The following SCNN1D variants were observed in gnomAD, a reference collection of about 807,000 sequenced individuals.
SCNN1D encodes sodium channel epithelial 1 subunit delta, also known as epithelial sodium channel subunit delta.
A neutral mutation model predicts 87.8 loss-of-function variants in SCNN1D; 104 were observed. The ratio of observed to expected loss-of-function variants is 1.18; its 90% CI spans 1.01 to 1.39. SCNN1D has a LOEUF of 1.39. Among genes scored for constraint, SCNN1D ranks in the 40% most tolerant of loss-of-function variants. The probability of loss-of-function intolerance (pLI) is 0.00; values close to 1 mark genes in which losing one functional copy is unlikely to be tolerated. For synonymous variants in SCNN1D, 628 were observed against 481.2 expected, an observed-to-expected ratio of 1.31 and a Z score of -3.99; for missense variants, 1,324 against 1,093.9, an observed-to-expected ratio of 1.21 and a Z score of -2.97.
At position 1,286,897 on chromosome 1, in the gene SCNN1D, C is replaced by T. The variant is rs563785781; in HGVS notation, c.1041C>T (p.Pro347=). The change falls in exon 8 of 18, where the codon CCC becomes CCT. Residue 347 remains proline, a synonymous_variant. Coordinates refer to ENST00000379116, the MANE Select transcript of SCNN1D (RefSeq NM_001130413.4). ...ALSATVPRHE[P]PFHLDREIRL... ...CCGCCACTGTCCCCCGCCACGAGCC[C>T]CCCTTCCACCTGGACCGGGAGATCC... The T allele has an allele frequency of 2.5e-6, 4 of 1,612,614 alleles. No individual in the cohort carries two copies. The highest frequency in any genetic ancestry group is 3.4e-6 in the Non-Finnish European group (4 of 1,179,894).
intron 4 of SCNN1D, among the ~76,000 whole-genome samples, chr1:1,283,633 G>A (rs2100313101): frequency 6.6e-6 from 1 of 152,250 alleles, no homozygotes; most frequent in Middle Eastern, 3.4e-3. Context: ...GGGAGGTGGA[G>A]CTTGCAGTGA....
Position 1,286,913 on chromosome 1 carries a change from CG to C in SCNN1D, c.1060del (p.Glu354ArgfsTer7), listed in dbSNP as rs755335823. 1 of 1,612,520 alleles carries C rather than the reference CG, an allele frequency of 6.2e-7. No individual in the cohort carries two copies. Among genetic ancestry groups the C allele is most frequent in the South Asian group, 1.1e-5 (1 of 91,074 alleles). Reference protein sequence around the residue: ...PRHEPPFHLDREIRLQRLSHS... With the variant: ...PRHEPPFHLDXEIRLQRLSHS... ...CCACGAGCCCCCCTTCCACCTGGAC[CG>C]GGAGATCCGTCTGCAGAGGCTGAGC... On this transcript the variant is annotated frameshift_variant, in exon 8 of 18. Coordinates refer to ENST00000379116, the MANE Select transcript of SCNN1D (RefSeq NM_001130413.4). LOFTEE classifies it high-confidence loss of function.
At chr1:1,284,584 C>T (rs536630346) in intron 5 of SCNN1D, among the ~76,000 whole-genome samples, 2 of 125,310 alleles carry the variant, frequency 1.6e-5, no homozygotes, top group South Asian at 2.7e-4. Flanking sequence ...CGGGGGGTGC[C>T]GAGCGTGTGC....
chr1:1,288,200 T>C lies in SCNN1D; in HGVS notation c.1662+163T>C, dbSNP rs575205380. On this transcript the variant is annotated intron_variant, in intron 12 of 17. Transcript: ENST00000379116. ...TCCATCCCCCGTGTCCCCGCTCCAT[T>C]CCCTGTGTCTCTGCTCCGTCCCGTG... Among the ~76,000 whole-genome samples the C allele has an allele frequency of 6.4e-4, 94 of 146,802 alleles. 1 individual carries two copies. Among genetic ancestry groups the C allele is most frequent in the African/African-American group, 2.2e-3 (86 of 39,100 alleles).
chr1:1,280,464 T>C lies in SCNN1D; in HGVS notation c.-198T>C. On this transcript the variant is annotated 5_prime_UTR_variant, in exon 1 of 18. Coordinates refer to ENST00000379116, the MANE Select transcript of SCNN1D (RefSeq NM_001130413.4). Reference sequence around the variant, plus strand: ...GGGCGACAGCGAGACTCCATCTCAATAAATAAAAAAAAAAAAGAGTTGTTA... The same window carrying C: ...GGGCGACAGCGAGACTCCATCTCAACAAATAAAAAAAAAAAAGAGTTGTTA... The C allele has an allele frequency of 2.1e-6, 1 of 473,160 alleles. No homozygotes were observed. Among genetic ancestry groups the C allele is most frequent in the Admixed American group, 3.4e-5 (1 of 29,046 alleles). The allele number at this position is 473,160 out of a possible 1,614,324, so 29.3% of individuals were successfully genotyped here. A position where few individuals can be genotyped will look rare whatever the true frequency, so the allele number is the denominator to read the frequency against.
chr1:1,283,882 A>G (rs534440341), intron 4 of SCNN1D, 96 bp from the exon 5 acceptor site: 1 of 575,468 alleles, frequency 1.7e-6, no homozygotes, highest in Admixed American at 4.8e-5. Flanking sequence ...TCCCCCAGGA[A>G]TTCCCCTTTT....
intron 4 of SCNN1D, among the ~76,000 whole-genome samples, chr1:1,283,756 TC>T (rs1640515708): frequency 6.6e-6 from 1 of 151,348 alleles, no homozygotes; most frequent in Non-Finnish European, 1.5e-5. Flanking sequence ...AACACTGTCC[TC>T]CCCCTCCCTC....
chr1:1,287,955 T>A lies in SCNN1D; in HGVS notation c.1580T>A (p.Leu527His). 1 of 1,545,002 alleles carries A rather than the reference T, an allele frequency of 6.5e-7. No homozygotes were observed. Among genetic ancestry groups the A allele is most frequent in the Non-Finnish European group, 8.7e-7 (1 of 1,143,580 alleles). The change falls in exon 12 of 18, where the codon CTC becomes CAC. Residue 527 changes from leucine (L) to histidine (H), a missense_variant. Leu to His is a moderately conservative substitution (Grantham distance 99). Coordinates refer to ENST00000379116, the MANE Select transcript of SCNN1D (RefSeq NM_001130413.4). Reference sequence around the variant, plus strand: ...CCCTCCCAGGACGAGGTGCACCGGCTCGGGAGCCCCTACGGCCACTGCACC... The same window carrying A: ...CCCTCCCAGGACGAGGTGCACCGGCACGGGAGCCCCTACGGCCACTGCACC... ...ISIREDEVHR[L>H]GSPYGHCTAG...
chr1:1,286,347 C>A, intron 7 of SCNN1D, 69 bp downstream of exon 7: 2 of 1,259,138 alleles, frequency 1.6e-6, no homozygotes, highest in South Asian at 1.4e-5. Context: ...CGTCTCTAAC[C>A]GAAGCCCCAC....
chr1:1,285,711 C>T, intron 6 of SCNN1D, 47 bp downstream of exon 6: 1 of 1,426,924 alleles, frequency 7.0e-7, no homozygotes. Context: ...CCCCAGCAGC[C>T]CAAACTCAAA....
rs570277684 is a variant in SCNN1D at position 1,284,585 on chromosome 1, G to A, written c.464+495G>A. ...CGTGTGCTGGACCACGGGGGGTGCC[G>A]AGCGTGTGCTGGACCACGGGGGGTG... is the stretch of plus-strand genomic sequence containing the variant. On this transcript the variant is annotated intron_variant, in intron 5 of 17. Transcript: ENST00000379116. 8.4e-5 allele frequency among the ~76,000 whole-genome samples: 12 copies of A among 143,664 alleles called. No individual in the cohort carries two copies. In the South Asian group the frequency reaches 1.6e-3, roughly 19 times the overall value. The allele number at this position is 143,664 out of a possible 152,430, so 94.2% of individuals were successfully genotyped here. A position where few individuals can be genotyped will look rare whatever the true frequency, so the allele number is the denominator to read the frequency against.
Position 1,287,287 on chromosome 1 carries a change from A to G in SCNN1D, c.1298A>G (p.Asp433Gly). 1 of 1,597,100 alleles carries G rather than the reference A, an allele frequency of 6.3e-7. No homozygotes were observed. Among genetic ancestry groups the G allele is most frequent in the Non-Finnish European group, 8.5e-7 (1 of 1,170,044 alleles). The change falls in exon 9 of 18, where the codon GAC becomes GGC. Residue 433 changes from aspartate to glycine, a missense_variant. Coordinates refer to ENST00000379116, the MANE Select transcript of SCNN1D (RefSeq NM_001130413.4). ...CTCTCCTGCAGTTACGATGGCCTGG[A>G]CTGCCAGGCCCGGTGAGTGTGGCGG... ...FVLSCSYDGL[D>G]CQARQFRTFH...
chr1:1,285,903 T>C (rs1640577791), intron 6 of SCNN1D, 23 bp from the exon 7 acceptor site: 1 of 1,528,762 alleles, frequency 6.5e-7, no homozygotes. Context: ...GGCCGGGCCC[T>C]GCTGAGGCCA....
At position 1,291,929 on chromosome 1, in the gene SCNN1D, T is replaced by C. The variant is rs889747290; in HGVS notation, c.*319T>C. On this transcript the variant is annotated 3_prime_UTR_variant, in exon 18 of 18. Coordinates refer to ENST00000379116, the MANE Select transcript of SCNN1D (RefSeq NM_001130413.4). Reference sequence around the variant, plus strand: ...CACACGTCTGATGCACCTGTGTACGTGTGTCAAGCCTAGCCACCTCAGCTG... The same window carrying C: ...CACACGTCTGATGCACCTGTGTACGCGTGTCAAGCCTAGCCACCTCAGCTG... 2.8e-5 allele frequency: 7 copies of C among 252,020 alleles called. No individual in the cohort carries two copies. The highest frequency in any genetic ancestry group is 1.3e-4 in the African/African-American group (6 of 44,980). 15.6% of individuals were successfully genotyped at this position (252,020 alleles called of 1,614,324 possible). A position where few individuals can be genotyped will look rare whatever the true frequency, so the allele number is the denominator to read the frequency against.
chr1:1,287,655 C>T lies in SCNN1D; in HGVS notation c.1400-18C>T. The T allele has an allele frequency of 4.3e-6, 7 of 1,611,826 alleles. No individual in the cohort carries two copies. The highest frequency in any genetic ancestry group is 5.9e-6 in the Non-Finnish European group (7 of 1,179,480). On this transcript the variant is annotated intron_variant, in intron 10 of 17. Coordinates refer to ENST00000379116, the MANE Select transcript of SCNN1D (RefSeq NM_001130413.4). Reference sequence around the variant, plus strand: ...GGGTGCAGGTCAGGTGGCCTCACACCAGCCCTTGGCCTCCCAGGAGTCGGC... The same window carrying T: ...GGGTGCAGGTCAGGTGGCCTCACACTAGCCCTTGGCCTCCCAGGAGTCGGC...
At chr1:1,287,353 C>T (rs557344807) in intron 9 of SCNN1D, 54 bp downstream of exon 9, 304 of 1,509,468 alleles carry the variant, frequency 2.0e-4, no homozygotes, top group East Asian at 5.2e-4. Context: ...AGAGCGTGGC[C>T]GCACCCCTGG....
In SCNN1D at chr1:1,280,563, G is replaced by C; in HGVS notation, c.-99G>C. On this transcript the variant is annotated 5_prime_UTR_variant, in exon 1 of 18. Coordinates refer to ENST00000379116, the MANE Select transcript of SCNN1D (RefSeq NM_001130413.4). ...GTCTTATCGCAGATGAAGCCACCAG[G>C]TCACAAGCCTCAGAGAGAATCAACT... is the stretch of plus-strand genomic sequence containing the variant. 1 of 668,780 alleles carries C rather than the reference G, an allele frequency of 1.5e-6. No homozygotes were observed. Among genetic ancestry groups the C allele is most frequent in the Admixed American group, 2.0e-5 (1 of 49,202 alleles). The allele number at this position is 668,780 out of a possible 1,614,324, so 41.4% of individuals were successfully genotyped here.
chr1:1,281,751 G>A (rs1370105437), intron 3 of SCNN1D, 141 bp downstream of exon 3: 10 of 770,166 alleles, frequency 1.3e-5, no homozygotes, highest in South Asian at 3.7e-5. Context: ...CTCTGCCCCC[G>A]GCCAGGGCTC....
Position 1,286,102 on chromosome 1 carries a change from C to T in SCNN1D, c.735C>T (p.Asn245=), listed in dbSNP as rs772325678. The T allele has an allele frequency of 1.9e-6, 3 of 1,610,020 alleles. No individual in the cohort carries two copies. In the African/African-American group the frequency reaches 4.0e-5, roughly 21 times the overall value. Residue 245 remains asparagine (N), a synonymous_variant, in exon 7 of 18, where the codon AAC becomes AAT. Coordinates refer to ENST00000379116, the MANE Select transcript of SCNN1D (RefSeq NM_001130413.4). ...GAIRLVCSRG[N]RLKTTSWGLL... Reference sequence around the variant, plus strand: ...TCCGCCTGGTCTGCTCCCGCGGGAACCGCCTCAAGACGACGTCCTGGGGGC... The same window carrying T: ...TCCGCCTGGTCTGCTCCCGCGGGAATCGCCTCAAGACGACGTCCTGGGGGC...
Sources: gnomAD v4.1 joint callset for allele counts (sites outside exome capture counted in the v4.1 genomes callset) on GRCh38, gnomAD v4.1.1 for gene constraint, MANE v1.5 for transcripts, NCBI Gene and HGNC (gene_info 2026-07-23, HGNC 2026-07-21) for gene names.